The following CREB3L1 variants were observed in gnomAD, a reference collection of about 807,000 sequenced individuals.
CREB3L1 encodes cAMP responsive element binding protein 3 like 1, also known as cyclic AMP-responsive element-binding protein 3-like protein 1.
CREB3L1 carries 33 observed loss-of-function variants against 54.5 expected under a neutral mutation model. The ratio of observed to expected loss-of-function variants is 0.61; its 90% CI spans 0.46 to 0.81. The LOEUF is 0.81. Ranked by LOEUF, CREB3L1 falls within the 30% of genes least tolerant of loss-of-function variation. The probability of loss-of-function intolerance (pLI) is 0.00; values close to 1 mark genes in which losing one functional copy is unlikely to be tolerated. For synonymous variants in CREB3L1, 284 were observed against 286.4 expected, an observed-to-expected ratio of 0.99 and a Z score of 0.08; for missense variants, 656 against 673.3, an observed-to-expected ratio of 0.97 and a Z score of 0.29.
intron 10 of CREB3L1, among the ~76,000 whole-genome samples, chr11:46,319,642 C>T (rs969705784): frequency 1.3e-5 from 2 of 151,926 alleles, no homozygotes; most frequent in Non-Finnish European, 1.5e-5. Context: ...CTTTGGGAGG[C>T]CAAGGTGGGA....
chr11:46,309,691 C>A, intron 3 of CREB3L1, among the ~76,000 whole-genome samples: 1 of 152,240 alleles, frequency 6.6e-6, no homozygotes, highest in Non-Finnish European at 1.5e-5. Flanking sequence ...CATACCAAAG[C>A]CTGTGTGGCC....
intron 3 of CREB3L1, among the ~76,000 whole-genome samples, chr11:46,309,666 T>C (rs1391563806): frequency 6.6e-6 from 1 of 152,210 alleles, no homozygotes; most frequent in Non-Finnish European, 1.5e-5. Context: ...CTTGTTTTAT[T>C]CTCATGGCAA....
chr11:46,281,241 T>G (rs1047237646), intron 1 of CREB3L1, among the ~76,000 whole-genome samples: 3 of 152,214 alleles, frequency 2.0e-5, no homozygotes, highest in Non-Finnish European at 4.4e-5. Flanking sequence ...TGGCCACCCT[T>G]GAGCCACTGT....
intron 1 of CREB3L1, among the ~76,000 whole-genome samples, chr11:46,284,370 G>A (rs1158596571): frequency 6.6e-6 from 1 of 151,984 alleles, no homozygotes; most frequent in East Asian, 1.9e-4. Context: ...GGCTTTTCTG[G>A]CCAGGCATGG....
intron 2 of CREB3L1, 67 bp downstream of exon 2, chr11:46,300,230 T>C: frequency 7.8e-7 from 1 of 1,274,614 alleles, no homozygotes; most frequent in Non-Finnish European, 1.1e-6. Flanking sequence ...AGCTCTGGGG[T>C]GACAAGAGAG....
chr11:46,300,133 G>C lies in CREB3L1; in HGVS notation c.301G>C (p.Val101Leu), dbSNP rs770134029. The C allele has an allele frequency of 1.8e-5, 29 of 1,613,392 alleles. No individual in the cohort carries two copies. The highest frequency in any genetic ancestry group is 2.2e-5 in the Non-Finnish European group (26 of 1,179,634). Residue 101 changes from valine (V) to leucine (L), a missense_variant, in exon 2 of 12, where the codon GTG becomes CTG. Physicochemically the swap from Val to Leu is conservative, Grantham distance 32. This residue lies in a region of CREB3L1 where 339 missense variants were observed against 331.5 expected (regional missense o/e 1.02). Transcript: ENST00000621158. ...SGDSAPQSPL[V>L]PIKMEDTTQD... ...CGACTCAGCGCCCCAGAGCCCCCTT[G>C]TGCCCATCAAGATGGAGGACACCAC...
chr11:46,315,163 TCC>T, intron 8 of CREB3L1: 1 of 309,836 alleles, frequency 3.2e-6, no homozygotes, highest in South Asian at 3.1e-5. Context: ...TCCTTCCTTC[TCC>T]CCCAGCTTCT....
intron 5 of CREB3L1, among the ~76,000 whole-genome samples, 164 bp downstream of exon 5, chr11:46,311,353 T>A (rs1034383679): frequency 4.6e-5 from 7 of 152,312 alleles, no homozygotes; most frequent in African/African-American, 1.7e-4. Context: ...AATCCTTTTA[T>A]TTTTGAGTCT....
rs61418557 is a variant in CREB3L1 at position 46,306,506 on chromosome 11, T to TAA, written c.332-1294_332-1293dup. Among the ~76,000 whole-genome samples the TAA allele has an allele frequency of 3.8e-3, 482 of 126,782 alleles. 4 individuals carry two copies. Among genetic ancestry groups the TAA allele is most frequent in the African/African-American group, 0.013 (438 of 34,084 alleles). The allele number at this position is 126,782 out of a possible 152,430, so 83.2% of individuals were successfully genotyped here. A position where few individuals can be genotyped will look rare whatever the true frequency, so the allele number is the denominator to read the frequency against. ...GCGAATGAGTGAGATCCTGTCTCAA[T>TAA]AAAAAAAAAAAAAAAAATTGAGCAC... On this transcript the variant is annotated intron_variant, in intron 2 of 11. Transcript: ENST00000621158.
rs1293318930 is a variant in CREB3L1, at chr11:46,320,433, C to T, written c.1428C>T (p.His476=). 27 of 1,610,848 alleles carry T rather than the reference C, an allele frequency of 1.7e-5. No individual in the cohort carries two copies. Among genetic ancestry groups the T allele is most frequent in the African/African-American group, 2.7e-5 (2 of 74,938 alleles). ...HLQHDHLDST[H]ETTKYLSEAW... ...AGCATGATCACCTGGACAGCACCCA[C>T]GAGACCACCAAGTACCTGAGTGAGG... Residue 476 remains histidine, a synonymous_variant, in exon 11 of 12, where the codon CAC becomes CAT. Coordinates refer to ENST00000621158, the MANE Select transcript of CREB3L1 (RefSeq NM_052854.4).
chr11:46,315,340 C>T (rs928294653), intron 8 of CREB3L1: 2 of 216,406 alleles, frequency 9.2e-6, no homozygotes, highest in Non-Finnish European at 1.9e-5. Context: ...GAACTGCAAC[C>T]CCTACGTGCC....
chr11:46,316,646 G>A (rs1403033287), intron 9 of CREB3L1, among the ~76,000 whole-genome samples: 1 of 152,182 alleles, frequency 6.6e-6, no homozygotes, highest in Non-Finnish European at 1.5e-5. Flanking sequence ...CCAGCTAGGG[G>A]ACAGCTGGGC....
rs931704828 is a variant in CREB3L1 at position 46,277,734 on chromosome 11, C to T, written c.-378C>T. On this transcript the variant is annotated 5_prime_UTR_variant, in exon 1 of 12. Coordinates refer to ENST00000621158, the MANE Select transcript of CREB3L1 (RefSeq NM_052854.4). ...GGAGAGGCCGGCAGCCACCCAGTCT[C>T]GGGGGAGCACTTAGCTCCCCCGCCC... The T allele has an allele frequency of 1.8e-5, 4 of 221,560 alleles. No homozygotes were observed. The highest frequency in any genetic ancestry group is 5.8e-5 in the Admixed American group (1 of 17,130). The allele number at this position is 221,560 out of a possible 1,614,324, so 13.7% of individuals were successfully genotyped here.
At chr11:46,310,777 G>A (rs1432269777) in intron 4 of CREB3L1, 2 of 449,942 alleles carry the variant, frequency 4.4e-6, no homozygotes, top group Non-Finnish European at 7.7e-6. Flanking sequence ...TGATGTCTAT[G>A]CCAAGGGCGA....
intron 2 of CREB3L1, among the ~76,000 whole-genome samples, chr11:46,301,095 G>T (rs147459355): frequency 1.3e-5 from 2 of 150,358 alleles, no homozygotes; most frequent in African/African-American, 4.9e-5. Flanking sequence ...CAGGAGAATC[G>T]CTTGAACCCA....
In CREB3L1 at chr11:46,282,397, T is replaced by G. The variant is rs115575982; in HGVS notation, c.102+4184T>G. Among the ~76,000 whole-genome samples the G allele has an allele frequency of 7.4e-3, 1,121 of 152,258 alleles. 16 individuals are homozygous for G. The highest frequency in any genetic ancestry group is 0.026 in the African/African-American group (1,064 of 41,522). On this transcript the variant is annotated intron_variant, in intron 1 of 11. Transcript: ENST00000621158. Reference sequence around the variant, plus strand: ...CTACAGCTGGCTGACCCACAGGGGATTTGAACTTGTGGCTCAGGTGTCACT... The same window carrying G: ...CTACAGCTGGCTGACCCACAGGGGAGTTGAACTTGTGGCTCAGGTGTCACT...
chr11:46,292,223 C>T (rs1566182176), intron 1 of CREB3L1, among the ~76,000 whole-genome samples: 1 of 152,112 alleles, frequency 6.6e-6, no homozygotes. Context: ...AGGGAGGAGC[C>T]GAGGGAAGGG....
Position 46,321,172 on chromosome 11 carries a change from C to A in CREB3L1, c.*426C>A, listed in dbSNP as rs890118714. The A allele has an allele frequency of 5.3e-6, 2 of 375,658 alleles. No individual in the cohort carries two copies. Among genetic ancestry groups the A allele is most frequent in the Non-Finnish European group, 1.0e-5 (2 of 196,362 alleles). 23.3% of individuals were successfully genotyped at this position (375,658 alleles called of 1,614,324 possible). Reference sequence around the variant, plus strand: ...ACCTTATTTTTTATTATTGCCAATCCCCTAAGATATTGTATTTTACAAATC... The same window carrying A: ...ACCTTATTTTTTATTATTGCCAATCACCTAAGATATTGTATTTTACAAATC... On this transcript the variant is annotated 3_prime_UTR_variant, in exon 12 of 12. Transcript: ENST00000621158.
rs373197005 is a variant in CREB3L1, at chr11:46,279,432, C to T, written c.102+1219C>T. Among the ~76,000 whole-genome samples the T allele has an allele frequency of 9.2e-5, 14 of 152,270 alleles. No individual in the cohort carries two copies. The South Asian group carries it at 2.9e-3, about 32-fold the overall frequency. On this transcript the variant is annotated intron_variant, in intron 1 of 11. Coordinates refer to ENST00000621158, the MANE Select transcript of CREB3L1 (RefSeq NM_052854.4). ...TAAGCAGCACATCCTGGTCACCCTG[C>T]GCTCTGAGGAAGGCCCCTGTCCCAG...
Sources: allele counts gnomAD v4.1 joint callset (sites outside exome capture counted in the v4.1 genomes callset), GRCh38; gene constraint gnomAD v4.1.1; regional missense constraint gnomAD v4.1.1; transcripts MANE v1.5; gene names NCBI Gene and HGNC (gene_info 2026-07-23, HGNC 2026-07-21).